The following TBC1D23 variants were observed in gnomAD, a reference collection of about 807,000 sequenced individuals.
TBC1D23 encodes HCV non-structural protein 4A-transactivated protein 1.
In TBC1D23, 55 loss-of-function variants were observed where a neutral mutation model predicts 91.4. That is an observed-to-expected ratio of 0.60 (90% CI 0.48 to 0.75). The LOEUF is 0.75. TBC1D23 is among the 30% of genes least tolerant of loss of function. The probability of loss-of-function intolerance (pLI) is 0.00; values close to 1 mark genes in which losing one functional copy is unlikely to be tolerated. For synonymous variants in TBC1D23, 289 were observed against 281.0 expected, an observed-to-expected ratio of 1.03 and a Z score of -0.28; for missense variants, 725 against 836.1, an observed-to-expected ratio of 0.87 and a Z score of 1.64.
At position 100,320,949 on chromosome 3, in the gene TBC1D23, A is replaced by T. The variant is rs758004876; in HGVS notation, c.1996A>T (p.Ile666Leu). 1 of 1,597,286 alleles carries T rather than the reference A, an allele frequency of 6.3e-7. No homozygotes were observed. The highest frequency in any genetic ancestry group is 1.2e-5 in the South Asian group (1 of 86,772). Residue 666 changes from isoleucine (I) to leucine (L), a missense_variant, in exon 18 of 19, where the codon ATA (isoleucine) becomes TTA (leucine). Ile to Leu is a conservative substitution (Grantham distance 5). Coordinates refer to ENST00000394144, the MANE Select transcript of TBC1D23 (RefSeq NM_001199198.3). Reference protein sequence around the residue: ...FKYGNSSASGIEILAIERYLI... With the variant: ...FKYGNSSASGLEILAIERYLI... ...GTATGGAAATAGCAGTGCTTCAGGA[A>T]TAGAAATCTTGGCAATCGAAAGGTA...
chr3:100,273,912 G>A (rs1368777386), intron 1 of TBC1D23, among the ~76,000 whole-genome samples: 2 of 151,712 alleles, frequency 1.3e-5, no homozygotes, highest in Admixed American at 6.6e-5. Flanking sequence ...TAAAACCCAG[G>A]GAATACTATT....
intron 13 of TBC1D23, among the ~76,000 whole-genome samples, chr3:100,310,057 C>A (rs1238321063): frequency 1.3e-5 from 2 of 152,170 alleles, no homozygotes; most frequent in Admixed American, 6.5e-5. Flanking sequence ...AAAGTATTGG[C>A]AGGTTTAGTT....
At chr3:100,264,807 T>C (rs2067544863) in intron 1 of TBC1D23, among the ~76,000 whole-genome samples, 2 of 152,232 alleles carry the variant, frequency 1.3e-5, no homozygotes, top group Non-Finnish European at 2.9e-5. Context: ...TTGTTTTTGC[T>C]GATTTTCAGT....
At chr3:100,319,811 G>A (rs956301440) in intron 17 of TBC1D23, among the ~76,000 whole-genome samples, 1 of 151,950 alleles carries the variant, frequency 6.6e-6, no homozygotes, top group African/African-American at 2.4e-5. Context: ...GCATGTATAT[G>A]TACATTTTTG....
At chr3:100,269,790 C>G (rs1271520933) in intron 1 of TBC1D23, among the ~76,000 whole-genome samples, 1 of 152,194 alleles carries the variant, frequency 6.6e-6, no homozygotes, top group Non-Finnish European at 1.5e-5. Context: ...ATGTCTCATT[C>G]CCTGGGCATT....
intron 16 of TBC1D23, among the ~76,000 whole-genome samples, chr3:100,316,767 G>A (rs1208441160): frequency 6.6e-6 from 1 of 152,044 alleles, no homozygotes; most frequent in Non-Finnish European, 1.5e-5. Flanking sequence ...CTGTGTCAGG[G>A]AAGTTTATCT....
intron 16 of TBC1D23, 136 bp from the exon 17 acceptor site, chr3:100,318,933 G>GTGA: frequency 1.9e-6 from 1 of 524,674 alleles, no homozygotes; most frequent in East Asian, 3.6e-5. Flanking sequence ...GATTGCAGGC[G>GTGA]TGAGTCACTG....
rs750668641 is a variant in TBC1D23, at chr3:100,297,910, T to A, written c.877-13T>A. ...TTTTTTTTCATAATGTTTAAAAATT[T>A]CCCTTCAAACAGGATAATCACCATC... On this transcript the variant is annotated splice_polypyrimidine_tract_variant and intron_variant, in intron 8 of 18. Coordinates refer to ENST00000394144, the MANE Select transcript of TBC1D23 (RefSeq NM_001199198.3). The A allele has an allele frequency of 6.4e-7, 1 of 1,574,248 alleles. No individual in the cohort carries two copies. The highest frequency in any genetic ancestry group is 1.2e-5 in the South Asian group (1 of 84,210).
chr3:100,304,040 C>T lies in TBC1D23; in HGVS notation c.1264-806C>T, dbSNP rs929104414. Among the ~76,000 whole-genome samples, 5 of 152,178 alleles carry T rather than the reference C, an allele frequency of 3.3e-5. No homozygotes were observed. In the East Asian group the frequency reaches 9.6e-4, roughly 29 times the overall value. ...AAAAATTTAACTAGTGTTCAAGTTT[C>T]CCTGATTTTCCTAAGATCTAAAACA... On this transcript the variant is annotated intron_variant, in intron 11 of 18. Transcript: ENST00000394144.
chr3:100,278,513 T>C (rs1318223182), intron 1 of TBC1D23, among the ~76,000 whole-genome samples: 4 of 152,026 alleles, frequency 2.6e-5, no homozygotes, highest in African/African-American at 9.7e-5. Context: ...GCCTGCCAAG[T>C]AGCTGGGATT....
At chr3:100,320,089 C>T (rs1705823067) in intron 17 of TBC1D23, among the ~76,000 whole-genome samples, 1 of 152,030 alleles carries the variant, frequency 6.6e-6, no homozygotes, top group African/African-American at 2.4e-5. Context: ...TGTCTTTAGT[C>T]TCACCCTGTG....
chr3:100,276,905 G>T (rs1031046647), intron 1 of TBC1D23, among the ~76,000 whole-genome samples: 4 of 152,196 alleles, frequency 2.6e-5, no homozygotes, highest in African/African-American at 9.6e-5. Flanking sequence ...GAGCAAAGGA[G>T]ATAATTTTGC....
intron 1 of TBC1D23, among the ~76,000 whole-genome samples, chr3:100,274,595 C>T (rs1284452461): frequency 2.0e-5 from 3 of 151,586 alleles, no homozygotes; most frequent in Non-Finnish European, 2.9e-5. Context: ...CCCTGGTAAC[C>T]GCTCTCTAAA....
chr3:100,313,625 T>G (rs544619587), intron 15 of TBC1D23, among the ~76,000 whole-genome samples: 18 of 152,350 alleles, frequency 1.2e-4, no homozygotes, highest in African/African-American at 4.3e-4. Flanking sequence ...TTCTGGTTAT[T>G]TGGTTATCTG....
rs961641024 is a variant in TBC1D23, at chr3:100,288,829, T to C, written c.477-1749T>C. Among the ~76,000 whole-genome samples, 8 of 152,246 alleles carry C rather than the reference T, an allele frequency of 5.3e-5. No individual in the cohort carries two copies. The East Asian group carries it at 1.5e-3, about 29-fold the overall frequency. Reference sequence around the variant, plus strand: ...CTGAAGATTGAGTTAGTCAGCATCTTGTTAACAGTAACACCATACTTTAAC... The same window carrying C: ...CTGAAGATTGAGTTAGTCAGCATCTCGTTAACAGTAACACCATACTTTAAC... On this transcript the variant is annotated intron_variant, in intron 4 of 18. Coordinates refer to ENST00000394144, the MANE Select transcript of TBC1D23 (RefSeq NM_001199198.3).
intron 15 of TBC1D23, among the ~76,000 whole-genome samples, chr3:100,314,735 G>A (rs561577490): frequency 2.2e-4 from 33 of 152,298 alleles, no homozygotes; most frequent in Non-Finnish European, 3.7e-4. Context: ...CTAAGATTGC[G>A]CCACTGTACT....
chr3:100,296,598 G>A (rs530803291), intron 8 of TBC1D23, among the ~76,000 whole-genome samples: 1 of 152,036 alleles, frequency 6.6e-6, no homozygotes, highest in Admixed American at 6.5e-5. Context: ...GGTGGCTCAC[G>A]CCTGTAATCC....
intron 7 of TBC1D23, among the ~76,000 whole-genome samples, chr3:100,295,724 C>A (rs1312227015): frequency 6.6e-6 from 1 of 152,114 alleles, no homozygotes; most frequent in Non-Finnish European, 1.5e-5. Context: ...CCACCATATC[C>A]CCCACATAGA....
At chr3:100,265,455 T>C (rs1199044319) in intron 1 of TBC1D23, among the ~76,000 whole-genome samples, 1 of 152,270 alleles carries the variant, frequency 6.6e-6, no homozygotes, top group Non-Finnish European at 1.5e-5. Context: ...GATTTGAATT[T>C]AATTTTAAAA....
Sources: allele counts gnomAD v4.1 joint callset (sites outside exome capture counted in the v4.1 genomes callset), GRCh38; gene constraint gnomAD v4.1.1; transcripts MANE v1.5; gene names NCBI Gene and HGNC (gene_info 2026-07-23, HGNC 2026-07-21).